ESR1: variants seen among roughly 807,000 people sequenced by gnomAD.
ESR1 encodes estrogen receptor 1, also known as estrogen receptor.
A neutral mutation model predicts 52.7 loss-of-function variants in ESR1; 12 were observed. The observed-to-expected ratio is 0.23, with a 90% CI of 0.15 to 0.37. ESR1 has a LOEUF of 0.37. ESR1 is among the 10% of genes least tolerant of loss of function. ESR1 has a pLI of 1.00. For missense variants in ESR1, 584 were observed against 779.7 expected (o/e 0.75, Z 2.99); for synonymous variants, 305 against 316.8 (o/e 0.96, Z 0.39).
chr6:152,067,078 T>TA (rs1318091081), intron 6 of ESR1, among the ~76,000 whole-genome samples: 2 of 152,190 alleles, frequency 1.3e-5, no homozygotes, highest in African/African-American at 4.8e-5. Context: ...AGGTAATAAA[T>TA]AAATCCCTGC....
At chr6:151,857,046 C>G (rs980162480) in intron 2 of ESR1, among the ~76,000 whole-genome samples, 4 of 152,114 alleles carry the variant, frequency 2.6e-5, no homozygotes, top group Non-Finnish European at 5.9e-5. Context: ...CTTGTAAACA[C>G]TTTGTGTGTG....
intron 1 of ESR1, among the ~76,000 whole-genome samples, chr6:151,695,931 T>C (rs1779300645): frequency 6.6e-6 from 1 of 152,214 alleles, no homozygotes; most frequent in Non-Finnish European, 1.5e-5. Flanking sequence ...GGAAATTCCT[T>C]ATTGGGAAAT....
At position 151,944,361 on chromosome 6, in the gene ESR1, A is replaced by G. The variant is rs2128528227; in HGVS notation, c.949A>G (p.Ser317Gly). 1 of 1,614,084 alleles carries G rather than the reference A, an allele frequency of 6.2e-7. No individual in the cohort carries two copies. The highest frequency in any genetic ancestry group is 2.2e-5 in the East Asian group (1 of 44,866). ...GTCCCTGACGGCCGACCAGATGGTC[A>G]GTGCCTTGTTGGATGCTGAGCCCCC... ...ALSLTADQMV[S>G]ALLDAEPPIL... is the part of the protein sequence containing the mutation. Residue 317 changes from serine to glycine, a missense_variant, in exon 4 of 8, where the codon AGT becomes GGT. This residue lies in a region of ESR1 where 88 missense variants were observed against 88.3 expected (regional missense o/e 1.00). Coordinates refer to ENST00000206249, the MANE Select transcript of ESR1 (RefSeq NM_000125.4).
At chr6:151,983,901 A>G (rs1299265493) in intron 4 of ESR1, 2 of 152,234 alleles carry the variant, frequency 1.3e-5, no homozygotes, top group East Asian at 3.9e-4. Flanking sequence ...AGACCCTTAG[A>G]GAGTCCTCAG....
intron 2 of ESR1, among the ~76,000 whole-genome samples, chr6:151,752,931 CT>C (rs1784005175): frequency 6.6e-6 from 1 of 152,140 alleles, no homozygotes; most frequent in South Asian, 2.1e-4. Flanking sequence ...GGAGTGTGTA[CT>C]TTTCCTTTAT....
chr6:151,937,236 T>C (rs1008061555), intron 3 of ESR1, among the ~76,000 whole-genome samples: 1 of 152,124 alleles, frequency 6.6e-6, no homozygotes, highest in African/African-American at 2.4e-5. Context: ...CTAATCCCAA[T>C]ATAAAAAATA....
intron 5 of ESR1, among the ~76,000 whole-genome samples, chr6:152,025,046 T>C (rs1226514421): frequency 8.2e-6 from 1 of 121,642 alleles, no homozygotes; most frequent in Non-Finnish European, 1.6e-5. Flanking sequence ...ATAGGCACCA[T>C]TTCCTTATTC....
upstream of ESR1, among the ~76,000 whole-genome samples, chr6:151,686,237 T>C (rs1166620758): frequency 2.6e-5 from 4 of 152,136 alleles, no homozygotes; most frequent in Non-Finnish European, 5.9e-5. Flanking sequence ...AGACTATTTT[T>C]ATCCCTATAA....
chr6:152,033,489 G>T (rs1198924895), intron 5 of ESR1, among the ~76,000 whole-genome samples: 1 of 152,192 alleles, frequency 6.6e-6, no homozygotes, highest in Non-Finnish European at 1.5e-5. Context: ...CGAAGGATAT[G>T]AACAGACACT....
rs569232385 is a variant in ESR1 at position 151,986,949 on chromosome 6, G to A, written c.1097-24707G>A. 5.3e-5 allele frequency among the ~76,000 whole-genome samples: 8 copies of A among 152,070 alleles called. No individual in the cohort carries two copies. The South Asian group carries it at 1.2e-3, about 24-fold the overall frequency. ...CGCGAGCACGTGTGTGTGTGTGCGC[G>A]CCCATGGGTCCATTTTTGCATGGCA... On this transcript the variant is annotated intron_variant, in intron 4 of 7. Coordinates refer to ENST00000206249, the MANE Select transcript of ESR1 (RefSeq NM_000125.4).
At chr6:151,722,330 G>A (rs1781518351) in intron 2 of ESR1, among the ~76,000 whole-genome samples, 2 of 152,214 alleles carry the variant, frequency 1.3e-5, no homozygotes, top group African/African-American at 4.8e-5. Context: ...GAACAGGGAA[G>A]AAACACGGTG....
intron 1 of ESR1, among the ~76,000 whole-genome samples, chr6:151,670,830 G>T (rs564054974): frequency 1.4e-5 from 2 of 145,690 alleles, no homozygotes; most frequent in Non-Finnish European, 3.0e-5. Context: ...GTGCAGTGGC[G>T]CAATCTCGGC....
At chr6:152,016,576 AGAT>A (rs1235306350) in intron 5 of ESR1, among the ~76,000 whole-genome samples, 2 of 152,186 alleles carry the variant, frequency 1.3e-5, no homozygotes, top group Non-Finnish European at 2.9e-5. Context: ...TACTTGTAGA[AGAT>A]GGCTTCTGAG....
At chr6:152,122,782 C>G in intron 6 of ESR1, 2 of 1,556,916 alleles carry the variant, frequency 1.3e-6, no homozygotes, top group Non-Finnish European at 1.7e-6. Flanking sequence ...GCCAAGCACA[C>G]CCCAGCCTGG....
At chr6:151,988,264 A>G (rs985085372) in intron 4 of ESR1, among the ~76,000 whole-genome samples, 2 of 152,150 alleles carry the variant, frequency 1.3e-5, no homozygotes, top group African/African-American at 4.8e-5. Flanking sequence ...GATGGGAGAC[A>G]GTGACAGATT....
At chr6:152,041,418 A>C (rs576686727) in intron 5 of ESR1, among the ~76,000 whole-genome samples, 4 of 152,222 alleles carry the variant, frequency 2.6e-5, no homozygotes, top group African/African-American at 9.6e-5. Flanking sequence ...CCAAAATCCA[A>C]ATAGGCCTGC....
At chr6:151,967,270 G>A (rs2038379021) in intron 4 of ESR1, among the ~76,000 whole-genome samples, 1 of 152,072 alleles carries the variant, frequency 6.6e-6, no homozygotes, top group African/African-American at 2.4e-5. Context: ...TGCCATGGTG[G>A]TTTGCTGCAC....
At chr6:151,967,266 G>A (rs1044522173) in intron 4 of ESR1, among the ~76,000 whole-genome samples, 1 of 152,038 alleles carries the variant, frequency 6.6e-6, no homozygotes, top group Non-Finnish European at 1.5e-5. Flanking sequence ...TACGTGCCAT[G>A]GTGGTTTGCT....
intron 2 of ESR1, among the ~76,000 whole-genome samples, chr6:151,764,393 G>A (rs948576651): frequency 1.3e-5 from 2 of 152,138 alleles, no homozygotes; most frequent in Non-Finnish European, 2.9e-5. Context: ...CTTGATGAAG[G>A]AGATGTTTTT....
Sources: gnomAD v4.1 joint callset for allele counts (sites outside exome capture counted in the v4.1 genomes callset) on GRCh38, gnomAD v4.1.1 for gene constraint, gnomAD v4.1.1 regional missense constraint, MANE v1.5 for transcripts, NCBI Gene and HGNC (gene_info 2026-07-23, HGNC 2026-07-21) for gene names.